Variants in MYT1L observed in about 807,000 individuals in gnomAD.
The protein encoded by MYT1L is myelin transcription factor 1-like protein.
In MYT1L, 12 loss-of-function variants were observed where a neutral mutation model predicts 126.7. The observed-to-expected ratio is 0.09, with a 90% CI of 0.06 to 0.15. MYT1L has a LOEUF of 0.15. MYT1L is among the 10% of genes least tolerant of loss of function. The pLI is 1.00. For synonymous variants in MYT1L, 541 were observed against 604.2 expected (o/e 0.90, Z 1.53); for missense variants, 979 against 1,585.2 (o/e 0.62, Z 6.49).
chr2:2,275,712 A>G (rs2095346756), intron 2 of MYT1L, among the ~76,000 whole-genome samples: 1 of 152,208 alleles, frequency 6.6e-6, no homozygotes. Context: ...CTTTCCACAT[A>G]TACACTGAGC....
At position 1,887,488 on chromosome 2, in the gene MYT1L, G is replaced by C; in HGVS notation, c.2642C>G (p.Thr881Ser). 6.2e-7 allele frequency: 1 copy of C among 1,614,014 alleles called. No individual in the cohort carries two copies. Among genetic ancestry groups the C allele is most frequent in the East Asian group, 2.2e-5 (1 of 44,880 alleles). ...QCKESKKDLI[T>S]LSGCPLADKS... ...TAATTTCACCTCACAGCATGCTTAC[G>C]TTATTAAGTCCTTTTTGCTCTCCTT... The change falls in exon 17 of 25, where the codon ACT (threonine) becomes AGT (serine). Residue 881 changes from threonine (T) to serine (S), a missense_variant and splice_region_variant. By Grantham distance (58) the Thr-to-Ser change is moderately conservative (BLOSUM62 1). Coordinates refer to ENST00000647738, the MANE Select transcript of MYT1L (RefSeq NM_001303052.2). The surrounding 1 kb of genome is among the most constrained non-coding windows in gnomAD (Gnocchi z 4.8).
intron 4 of MYT1L, among the ~76,000 whole-genome samples, chr2:2,044,020 C>T (rs745754230): frequency 2.7e-4 from 41 of 151,990 alleles, no homozygotes; most frequent in African/African-American, 9.4e-4. Context: ...TCAAAAGGTA[C>T]TTTTCTTTCA....
chr2:2,246,997 A>G (rs2094547434), intron 2 of MYT1L, among the ~76,000 whole-genome samples: 1 of 152,132 alleles, frequency 6.6e-6, no homozygotes, highest in African/African-American at 2.4e-5. Flanking sequence ...GGGTGGTATG[A>G]CCTTTGGAAA....
intron 1 of MYT1L, among the ~76,000 whole-genome samples, chr2:2,296,778 G>A (rs1460911534): frequency 6.6e-6 from 1 of 152,162 alleles, no homozygotes; most frequent in Non-Finnish European, 1.5e-5. Flanking sequence ...TCTCGGCCTG[G>A]AGACACCATA....
chr2:1,977,820 T>G (rs954491662), intron 8 of MYT1L, among the ~76,000 whole-genome samples: 2 of 152,174 alleles, frequency 1.3e-5, no homozygotes, highest in Non-Finnish European at 1.5e-5. Context: ...TTTGAAAACA[T>G]AAACAATGCA....
chr2:2,220,462 T>C (rs1156518606), intron 2 of MYT1L, among the ~76,000 whole-genome samples: 1 of 152,172 alleles, frequency 6.6e-6, no homozygotes, highest in African/African-American at 2.4e-5. Flanking sequence ...TAAGGTTCTT[T>C]TGAAGTCTCA....
intron 2 of MYT1L, among the ~76,000 whole-genome samples, chr2:2,188,977 C>T (rs71442322): frequency 0.015 from 2,313 of 152,276 alleles, 22 homozygotes; most frequent in Non-Finnish European, 0.026. Context: ...GTTTACTCTG[C>T]GAGACTACAG....
intron 23 of MYT1L, among the ~76,000 whole-genome samples, chr2:1,797,899 C>T (rs13428778): frequency 0.12 from 7,128 of 60,356 alleles, 631 homozygotes; most frequent in Admixed American, 0.22. Flanking sequence ...GCGGTCTCCC[C>T]CTTCTCCGGC....
At chr2:2,102,614 G>A (rs2078235109) in intron 3 of MYT1L, among the ~76,000 whole-genome samples, 1 of 141,416 alleles carries the variant, frequency 7.1e-6, no homozygotes, top group South Asian at 2.1e-4. Context: ...ATGTGTGTGT[G>A]TGTGTGTGTG....
intron 3 of MYT1L, among the ~76,000 whole-genome samples, chr2:2,168,581 A>G (rs942044779): frequency 6.6e-6 from 1 of 152,228 alleles, no homozygotes; most frequent in Non-Finnish European, 1.5e-5. Flanking sequence ...CACAATAGAC[A>G]TAGCAAACAA....
chr2:2,084,875 T>C lies in MYT1L; in HGVS notation c.-303-30752A>G, dbSNP rs142787988. ...TCTACAGTATAACCTGGTGTAAACG[T>C]TGGAGGAGGAAACACTGGTTATTAT... is the stretch of plus-strand genomic sequence containing the variant. On this transcript the variant is annotated intron_variant, in intron 3 of 24. Transcript: ENST00000647738. 2.6e-4 allele frequency among the ~76,000 whole-genome samples: 39 copies of C among 152,318 alleles called. 2 individuals are homozygous for C. The highest frequency in any genetic ancestry group is 9.8e-4 in the Admixed American group (15 of 15,302).
At chr2:1,812,598 C>A (rs2036840919) in intron 21 of MYT1L, among the ~76,000 whole-genome samples, 1 of 152,134 alleles carries the variant, frequency 6.6e-6, no homozygotes, top group African/African-American at 2.4e-5. Context: ...AGACTCTTAG[C>A]CGGGCGCGGT....
At chr2:2,104,200 G>A (rs2078461410) in intron 3 of MYT1L, among the ~76,000 whole-genome samples, 1 of 152,184 alleles carries the variant, frequency 6.6e-6, no homozygotes, top group African/African-American at 2.4e-5. Context: ...TCATTGAAAT[G>A]CTCAAAATGC....
intron 8 of MYT1L, among the ~76,000 whole-genome samples, chr2:1,950,916 G>T (rs1016622441): frequency 2.0e-5 from 3 of 152,200 alleles, no homozygotes; most frequent in Non-Finnish European, 4.4e-5. Context: ...GCAATGTCAG[G>T]TCATAGGTTG....
In MYT1L at chr2:1,910,071, C is replaced by G. The variant is rs577798109; in HGVS notation, c.1817+169G>C. Among the ~76,000 whole-genome samples, 1 of 152,332 alleles carries G rather than the reference C, an allele frequency of 6.6e-6. No individual in the cohort carries two copies. The highest frequency in any genetic ancestry group is 2.1e-4 in the South Asian group (1 of 4,828). On this transcript the variant is annotated intron_variant, in intron 13 of 24. Coordinates refer to ENST00000647738, the MANE Select transcript of MYT1L (RefSeq NM_001303052.2). This position sits in a 1 kb window ranked among gnomAD's most constrained non-coding sequence, Gnocchi z 4.8. ...GAAGAATGACACCCTTGCCCTCACA[C>G]AGCCTGGCCTGGAGTGAGGGGTCCT...
intron 5 of MYT1L, among the ~76,000 whole-genome samples, chr2:1,983,733 T>C (rs113027477): frequency 1.6e-4 from 25 of 152,358 alleles, no homozygotes; most frequent in African/African-American, 6.0e-4. Flanking sequence ...TTCATTCTTC[T>C]GGTGGTCCCA....
At chr2:1,908,546 G>C (rs1034039138) in intron 13 of MYT1L, among the ~76,000 whole-genome samples, 1 of 152,212 alleles carries the variant, frequency 6.6e-6, no homozygotes, top group Non-Finnish European at 1.5e-5. Context: ...TCTGGCCAAA[G>C]TAGGCTGAAG....
chr2:1,813,227 G>C (rs1209274772), intron 21 of MYT1L, among the ~76,000 whole-genome samples: 1 of 152,168 alleles, frequency 6.6e-6, no homozygotes, highest in Non-Finnish European at 1.5e-5. Flanking sequence ...CCTCCTTGCC[G>C]TCCTCCCAGC....
rs550418339 is a variant in MYT1L at position 1,987,033 on chromosome 2, G to A, written c.1-7256C>T. Among the ~76,000 whole-genome samples the A allele has an allele frequency of 8.0e-4, 122 of 152,290 alleles. 1 individual carries two copies. In the South Asian group the frequency reaches 0.025, roughly 31 times the overall value. ...AAAATAGATGTTGTTTCAGCCCTGA[G>A]CATAAAAATAAGAAAATAGATCCTT... On this transcript the variant is annotated intron_variant, in intron 5 of 24. Coordinates refer to ENST00000647738, the MANE Select transcript of MYT1L (RefSeq NM_001303052.2).
Sources: allele counts gnomAD v4.1 joint callset (sites outside exome capture counted in the v4.1 genomes callset), GRCh38; gene constraint gnomAD v4.1.1; non-coding constraint Gnocchi (gnomAD v3.1); transcripts MANE v1.5; gene names NCBI Gene and HGNC (gene_info 2026-07-23, HGNC 2026-07-21).